Variants in RBFOX1 observed in about 807,000 individuals in gnomAD.
RBFOX1 encodes RNA binding protein fox-1 homolog 1.
RBFOX1 carries 8 observed loss-of-function variants against 57.7 expected under a neutral mutation model. The ratio of observed to expected loss-of-function variants is 0.14; its 90% confidence interval spans 0.08 to 0.25. RBFOX1 has a LOEUF of 0.25. Among genes scored for constraint, RBFOX1 ranks in the 10% least tolerant of loss-of-function variants. The probability of loss-of-function intolerance (pLI) is 1.00; values close to 1 mark genes in which losing one functional copy is unlikely to be tolerated. For synonymous variants in RBFOX1, 326 were observed against 222.4 expected, an observed-to-expected ratio of 1.47 and a Z score of -4.15; for missense variants, 611 against 548.5, an observed-to-expected ratio of 1.11 and a Z score of -1.14.
Position 6,682,688 on chromosome 16 carries a change from C to G in RBFOX1, c.-16+28038C>G, listed in dbSNP as rs571489714. Reference sequence around the variant, plus strand: ...ATGACTCTAGATGCCGCCATGTGTCCCCCGGCGCGCAAAATTGCCCCCTGT... The same window carrying G: ...ATGACTCTAGATGCCGCCATGTGTCGCCCGGCGCGCAAAATTGCCCCCTGT... On this transcript the variant is annotated intron_variant, in intron 3 of 15. Coordinates refer to ENST00000550418, the MANE Select transcript of RBFOX1 (RefSeq NM_018723.4). 2.6e-4 allele frequency among the ~76,000 whole-genome samples: 40 copies of G among 151,852 alleles called. No individual in the cohort carries two copies. The East Asian group carries it at 6.8e-3, about 26-fold the overall frequency.
At chr16:6,527,890 C>A (rs9925404) in intron 2 of RBFOX1, among the ~76,000 whole-genome samples, 10,419 of 152,154 alleles carry the variant, frequency 0.068, 1,199 homozygotes, top group African/African-American at 0.24. Context: ...TGACCACACC[C>A]CTCAGTCACG....
At chr16:5,318,198 G>T (rs765554841) in intron 1 of RBFOX1, among the ~76,000 whole-genome samples, 1 of 151,912 alleles carries the variant, frequency 6.6e-6, no homozygotes, top group Non-Finnish European at 1.5e-5. Flanking sequence ...ACACGATCTC[G>T]GCTCACTGCA....
At chr16:6,102,521 G>C (rs557155174) in intron 1 of RBFOX1, among the ~76,000 whole-genome samples, 4 of 152,052 alleles carry the variant, frequency 2.6e-5, no homozygotes, top group African/African-American at 9.7e-5. Context: ...TTTCAGGCAG[G>C]TTGATCTGGA....
intron 4 of RBFOX1, among the ~76,000 whole-genome samples, chr16:5,915,138 T>C (rs2058678332): frequency 1.3e-5 from 2 of 152,182 alleles, no homozygotes; most frequent in African/African-American, 4.8e-5. Flanking sequence ...CACTACTTTT[T>C]ATTGCCCACT....
rs1176666931 is a variant in RBFOX1, at chr16:7,713,273, C to T, written c.*2528C>T. On this transcript the variant is annotated 3_prime_UTR_variant, in exon 16 of 16. Coordinates refer to ENST00000550418, the MANE Select transcript of RBFOX1 (RefSeq NM_018723.4). ...TAGAAATTAGTGTTTATATCACTTA[C>T]AGTGGTTTGTGAATAAAGAAAACTG... 4 of 152,092 alleles carry T rather than the reference C, an allele frequency of 2.6e-5. No homozygotes were observed. The highest frequency in any genetic ancestry group is 9.7e-5 in the African/African-American group (4 of 41,402). The allele number at this position is 152,092 out of a possible 1,614,324, so 9.4% of individuals were successfully genotyped here.
chr16:6,558,430 GA>G (rs2097134696), intron 2 of RBFOX1, among the ~76,000 whole-genome samples: 1 of 152,082 alleles, frequency 6.6e-6, no homozygotes, highest in Non-Finnish European at 1.5e-5. Context: ...TTTAGTTTTA[GA>G]AAACATGGAT....
intron 1 of RBFOX1, among the ~76,000 whole-genome samples, chr16:6,195,220 G>A: frequency 6.6e-6 from 1 of 152,250 alleles, no homozygotes; most frequent in African/African-American, 2.4e-5. Flanking sequence ...CCCATTATAG[G>A]TTTTCTTTCA....
intron 2 of RBFOX1, among the ~76,000 whole-genome samples, chr16:6,376,091 TTTC>T (rs1468779354): frequency 6.6e-6 from 1 of 152,100 alleles, no homozygotes; most frequent in African/African-American, 2.4e-5. Context: ...CCATCCATGA[TTTC>T]TTCTTCTTTT....
At chr16:6,895,436 GTGTGTGTGTGTGTATA>G (rs1567760483) in intron 3 of RBFOX1, among the ~76,000 whole-genome samples, 2 of 85,778 alleles carry the variant, frequency 2.3e-5, no homozygotes, top group East Asian at 3.3e-4. Context: ...GTGTGTGTGT[GTGTGTGTGTGTGTATA>G]TATATATATA....
chr16:7,090,046 A>G (rs1268222978), intron 4 of RBFOX1, among the ~76,000 whole-genome samples: 2 of 152,070 alleles, frequency 1.3e-5, no homozygotes, highest in African/African-American at 2.4e-5. Flanking sequence ...CTTCTTTTTT[A>G]ATGCAGAGGT....
Position 5,880,318 on chromosome 16 carries a change from T to C in RBFOX1, c.351+12983T>C, listed in dbSNP as rs1166515222. On this transcript the variant is annotated intron_variant, in intron 4 of 19. Transcript: ENST00000641259. ...TCCACTGGTTTTTTGCCTCCCAAGG[T>C]TCTTGACAGATTTCCTTTGGTAGCA... Among the ~76,000 whole-genome samples, 3 of 152,178 alleles carry C rather than the reference T, an allele frequency of 2.0e-5. No homozygotes were observed. The East Asian group carries it at 5.8e-4, about 29-fold the overall frequency.
intron 14 of RBFOX1, among the ~76,000 whole-genome samples, chr16:7,700,546 G>A (rs1200874535): frequency 6.6e-6 from 1 of 152,164 alleles, no homozygotes; most frequent in Non-Finnish European, 1.5e-5. Context: ...AGTATAGCTG[G>A]GGTGCCATGG....
intron 1 of RBFOX1, among the ~76,000 whole-genome samples, chr16:6,116,700 A>C (rs927754069): frequency 1.3e-5 from 2 of 152,218 alleles, no homozygotes; most frequent in African/African-American, 2.4e-5. Context: ...CGTTTAATCA[A>C]GTCTGAGTTG....
intron 3 of RBFOX1, among the ~76,000 whole-genome samples, chr16:6,788,773 C>T (rs959799580): frequency 2.0e-5 from 3 of 147,804 alleles, no homozygotes; most frequent in East Asian, 3.9e-4. Context: ...CCGTGCCCGG[C>T]CCCCCACTGA....
chr16:5,760,938 C>T (rs2053570997), intron 3 of RBFOX1, among the ~76,000 whole-genome samples: 2 of 152,144 alleles, frequency 1.3e-5, no homozygotes, highest in South Asian at 4.1e-4. Flanking sequence ...ATTGTGAGTT[C>T]ACTGAATGCC....
At chr16:7,710,202 T>G in intron 15 of RBFOX1, 19 of 1,029,450 alleles carry the variant, frequency 1.8e-5, no homozygotes, top group Non-Finnish European at 2.2e-5. Context: ...TAGGTTGAGA[T>G]TTTCATCCCA....
chr16:6,603,108 A>G (rs934549526), intron 2 of RBFOX1, among the ~76,000 whole-genome samples: 4 of 152,314 alleles, frequency 2.6e-5, no homozygotes, highest in African/African-American at 9.6e-5. Flanking sequence ...ACTAATCATC[A>G]CCGTTGTGGT....
At chr16:6,110,392 A>G (rs552912504) in intron 1 of RBFOX1, among the ~76,000 whole-genome samples, 9 of 152,260 alleles carry the variant, frequency 5.9e-5, no homozygotes, top group African/African-American at 2.2e-4. Context: ...AATAAAATAA[A>G]AGATTGCCTT....
chr16:6,827,140 C>T (rs1199249140), intron 3 of RBFOX1, among the ~76,000 whole-genome samples: 1 of 151,976 alleles, frequency 6.6e-6, no homozygotes, highest in Non-Finnish European at 1.5e-5. Context: ...ATAAGATATA[C>T]CATCCTAAAG....
Sources: gnomAD v4.1 joint callset for allele counts (sites outside exome capture counted in the v4.1 genomes callset) on GRCh38, gnomAD v4.1.1 for gene constraint, MANE v1.5 for transcripts, NCBI Gene and HGNC (gene_info 2026-07-23, HGNC 2026-07-21) for gene names.